Variants in FHIT observed in about 807,000 individuals in gnomAD.
The protein encoded by FHIT is fragile histidine triad diadenosine triphosphatase, also known as bis(5'-adenosyl)-triphosphatase.
In FHIT, 19 loss-of-function variants were observed where a neutral mutation model predicts 17.9. The observed-to-expected ratio is 1.06, with a 90% CI of 0.74 to 1.56. The LOEUF is 1.56. FHIT is among the 40% of genes most tolerant of loss of function. FHIT has a pLI of 0.00. For missense variants in FHIT, 248 were observed against 189.2 expected (o/e 1.31, Z -1.82); for synonymous variants, 81 against 69.7 (o/e 1.16, Z -0.81).
intron 2 of FHIT, among the ~76,000 whole-genome samples, chr3:61,073,095 A>C (rs2034860400): frequency 6.6e-6 from 1 of 152,162 alleles, no homozygotes; most frequent in African/African-American, 2.4e-5. Context: ...TTCTAAAAAA[A>C]ACAAAATCTT....
intron 4 of FHIT, among the ~76,000 whole-genome samples, chr3:60,802,098 G>A (rs1263243257): frequency 6.6e-6 from 1 of 152,118 alleles, no homozygotes; most frequent in Non-Finnish European, 1.5e-5. Context: ...GAGAATTTCT[G>A]CCAACAAGTT....
intron 5 of FHIT, among the ~76,000 whole-genome samples, chr3:60,079,347 AAAC>A (rs1297462728): frequency 6.6e-6 from 1 of 152,156 alleles, no homozygotes; most frequent in African/African-American, 2.4e-5. Flanking sequence ...ACACAATTGA[AAAC>A]AACATTACTT....
chr3:60,561,910 G>GAA (rs2036963423), intron 4 of FHIT, among the ~76,000 whole-genome samples: 1 of 151,404 alleles, frequency 6.6e-6, no homozygotes, highest in East Asian at 2.0e-4. Context: ...AAAAAGAAAA[G>GAA]AGAGAGAAAG....
chr3:61,012,127 A>G (rs2031825410), intron 3 of FHIT, among the ~76,000 whole-genome samples: 1 of 152,220 alleles, frequency 6.6e-6, no homozygotes, highest in South Asian at 2.1e-4. Flanking sequence ...TCCAAAAATT[A>G]AAAATCATAT....
intron 3 of FHIT, among the ~76,000 whole-genome samples, chr3:60,832,000 A>T (rs1463584727): frequency 2.0e-5 from 3 of 152,174 alleles, no homozygotes; most frequent in African/African-American, 7.2e-5. Context: ...AGAATCTTAG[A>T]TAACAACACT....
intron 3 of FHIT, among the ~76,000 whole-genome samples, chr3:60,999,279 G>A (rs1023238238): frequency 6.6e-6 from 1 of 152,064 alleles, no homozygotes; most frequent in Non-Finnish European, 1.5e-5. Context: ...GCAGATTTGA[G>A]TAAACTTTCT....
At chr3:59,781,454 T>A (rs1282973624) in intron 8 of FHIT, among the ~76,000 whole-genome samples, 1 of 152,170 alleles carries the variant, frequency 6.6e-6, no homozygotes, top group African/African-American at 2.4e-5. Context: ...TTTAAGCAAC[T>A]CCTAAGGCTT....
intron 3 of FHIT, among the ~76,000 whole-genome samples, chr3:60,974,944 A>G (rs576332404): frequency 6.6e-6 from 1 of 152,314 alleles, no homozygotes; most frequent in East Asian, 1.9e-4. Flanking sequence ...GAAGTAAGTT[A>G]CAGAAGTTTC....
intron 4 of FHIT, among the ~76,000 whole-genome samples, chr3:60,758,398 CAGGAAG>C (rs1699523316): frequency 6.6e-6 from 1 of 152,170 alleles, no homozygotes; most frequent in Non-Finnish European, 1.5e-5. Flanking sequence ...CTGACTGATA[CAGGAAG>C]AGAGAAGCAA....
At chr3:61,094,245 T>G (rs2035571635) in intron 2 of FHIT, among the ~76,000 whole-genome samples, 1 of 152,184 alleles carries the variant, frequency 6.6e-6, no homozygotes, top group Non-Finnish European at 1.5e-5. Flanking sequence ...GTAGAGTTTC[T>G]GAAGATATCA....
chr3:59,849,026 TC>T (rs1457015116), intron 8 of FHIT, among the ~76,000 whole-genome samples: 2 of 152,200 alleles, frequency 1.3e-5, no homozygotes, highest in African/African-American at 4.8e-5. Flanking sequence ...GAGGTCAGGT[TC>T]ATATCCCTTT....
At chr3:59,759,868 G>A (rs1575610610) in intron 8 of FHIT, among the ~76,000 whole-genome samples, 1 of 152,066 alleles carries the variant, frequency 6.6e-6, no homozygotes, top group African/African-American at 2.4e-5. Flanking sequence ...ACAAACCTCT[G>A]CCTGCCACTT....
chr3:59,872,780 A>C (rs546278125), intron 8 of FHIT, among the ~76,000 whole-genome samples: 26 of 152,206 alleles, frequency 1.7e-4, no homozygotes, highest in Non-Finnish European at 2.2e-4. Context: ...TTAGATGCAG[A>C]AGTGAATTCT....
At chr3:60,026,247 T>G (rs1187456928) in intron 5 of FHIT, among the ~76,000 whole-genome samples, 1 of 151,972 alleles carries the variant, frequency 6.6e-6, no homozygotes, top group Middle Eastern at 3.2e-3. Context: ...ATTGGGATGT[T>G]AAAAGTGTTT....
chr3:59,928,953 C>T (rs970900349), intron 7 of FHIT, among the ~76,000 whole-genome samples: 1 of 138,800 alleles, frequency 7.2e-6, no homozygotes, highest in Admixed American at 7.7e-5. Context: ...CGAGATTGCA[C>T]CACTGCACTC....
Position 60,852,218 on chromosome 3 carries a change from G to A in FHIT, c.-110-30207C>T, listed in dbSNP as rs530599865. Among the ~76,000 whole-genome samples the A allele has an allele frequency of 3.3e-5, 5 of 152,188 alleles. No homozygotes were observed. The East Asian group carries it at 9.7e-4, about 29-fold the overall frequency. On this transcript the variant is annotated intron_variant, in intron 3 of 9. Transcript: ENST00000492590. ...GGGACACTGATTGTGTCCTGCCTTT[G>A]GACTCTAACTGAAACACTGGCTCTT...
chr3:59,851,169 G>A (rs1701916720), intron 8 of FHIT, among the ~76,000 whole-genome samples: 1 of 148,436 alleles, frequency 6.7e-6, no homozygotes, highest in South Asian at 2.2e-4. Context: ...TCTCATATGA[G>A]GAATCTAAAG....
chr3:61,114,940 A>G (rs1003668579), intron 2 of FHIT, among the ~76,000 whole-genome samples: 1 of 152,158 alleles, frequency 6.6e-6, no homozygotes, highest in Admixed American at 6.5e-5. Context: ...ACATCATTTG[A>G]TCCAAGCAAC....
chr3:60,826,190 GAA>G (rs1702113679), intron 3 of FHIT, among the ~76,000 whole-genome samples: 1 of 144,576 alleles, frequency 6.9e-6, no homozygotes, highest in Non-Finnish European at 1.5e-5. Context: ...AGGAAGGAAG[GAA>G]GGAAGGAAGG....
Sources: allele counts gnomAD v4.1 joint callset (sites outside exome capture counted in the v4.1 genomes callset), GRCh38; gene constraint gnomAD v4.1.1; transcripts MANE v1.5; gene names NCBI Gene and HGNC (gene_info 2026-07-23, HGNC 2026-07-21).